Variants in ROBO1 observed in about 807,000 individuals in gnomAD.
ROBO1 encodes the protein roundabout guidance receptor 1, also known as roundabout homolog 1.
ROBO1 carries 149 observed loss-of-function variants against 195.9 expected under a neutral mutation model. The ratio of observed to expected loss-of-function variants is 0.76; its 90% CI spans 0.67 to 0.87. The LOEUF (loss-of-function observed/expected upper bound fraction) is 0.87, where lower values mean the gene tolerates loss of function less well. ROBO1 is among the 40% of genes least tolerant of loss of function. The pLI is 0.00. For missense variants in ROBO1, 1,933 were observed against 2,068.3 expected (o/e 0.93, Z 1.27); for synonymous variants, 816 against 733.2 (o/e 1.11, Z -1.82).
At chr3:79,579,846 A>T (rs754008964) in intron 2 of ROBO1, among the ~76,000 whole-genome samples, 6 of 152,154 alleles carry the variant, frequency 3.9e-5, no homozygotes, top group Non-Finnish European at 7.3e-5. Context: ...CAAAGTTACG[A>T]GGAAAACCTA....
At chr3:79,071,047 C>T (rs1576638867) in intron 3 of ROBO1, among the ~76,000 whole-genome samples, 2 of 151,844 alleles carry the variant, frequency 1.3e-5, no homozygotes, top group African/African-American at 4.8e-5. Flanking sequence ...TGCATTACCT[C>T]ACCTACTTAT....
intron 4 of ROBO1, among the ~76,000 whole-genome samples, chr3:78,764,301 A>T (rs1377587990): frequency 6.6e-6 from 1 of 152,182 alleles, no homozygotes; most frequent in Non-Finnish European, 1.5e-5. Flanking sequence ...AACTGAGTCC[A>T]GTTAGGTTAA....
intron 4 of ROBO1, among the ~76,000 whole-genome samples, chr3:78,932,592 GCTGA>G (rs143565721): frequency 0.025 from 3,765 of 152,156 alleles, 117 homozygotes; most frequent in Admixed American, 0.057. Flanking sequence ...TTATGACATA[GCTGA>G]CTATGTATTC....
At chr3:78,795,636 A>G (rs2084164156) in intron 4 of ROBO1, among the ~76,000 whole-genome samples, 1 of 152,220 alleles carries the variant, frequency 6.6e-6, no homozygotes, top group African/African-American at 2.4e-5. Flanking sequence ...TATAAAAGGG[A>G]GTTATAACAC....
At chr3:79,017,031 C>G (rs893800716) in intron 3 of ROBO1, among the ~76,000 whole-genome samples, 1 of 152,104 alleles carries the variant, frequency 6.6e-6, no homozygotes, top group African/African-American at 2.4e-5. Flanking sequence ...ATGACAACCT[C>G]GAGGAGTTAG....
intron 4 of ROBO1, among the ~76,000 whole-genome samples, chr3:78,792,842 G>A (rs2084063395): frequency 6.6e-6 from 1 of 152,122 alleles, no homozygotes; most frequent in African/African-American, 2.4e-5. Context: ...GCTCATGCCT[G>A]TAATCACAGC....
chr3:78,658,554 T>C (rs1707181659), intron 17 of ROBO1, among the ~76,000 whole-genome samples: 1 of 152,200 alleles, frequency 6.6e-6, no homozygotes, highest in Non-Finnish European at 1.5e-5. Flanking sequence ...AGTGCTGGGA[T>C]TACAGGCGTG....
Position 79,637,801 on chromosome 3 carries a change from G to A in ROBO1, c.-50-47840C>T, listed in dbSNP as rs548269826. On this transcript the variant is annotated intron_variant, in intron 1 of 30. Transcript: ENST00000464233. ...ATAGAGCTGTCTTTGAGTTATACTA[G>A]TAATTCTACATAAGAGTCAATAAAA... 2.0e-4 allele frequency among the ~76,000 whole-genome samples: 30 copies of A among 152,234 alleles called. 1 individual carries two copies. The Middle Eastern group carries it at 0.014, about 69-fold the overall frequency.
At chr3:78,954,129 G>A (rs13321050) in intron 3 of ROBO1, among the ~76,000 whole-genome samples, 21,739 of 151,552 alleles carry the variant, frequency 0.14, 2,289 homozygotes, top group African/African-American at 0.31. Flanking sequence ...AATTCCAGCA[G>A]AGCATCTTTC....
chr3:79,602,323 C>T (rs1289267628), intron 1 of ROBO1, among the ~76,000 whole-genome samples: 1 of 151,946 alleles, frequency 6.6e-6, no homozygotes, highest in African/African-American at 2.4e-5. Flanking sequence ...GATTCATACA[C>T]AAAAGGCTGT....
intron 1 of ROBO1, among the ~76,000 whole-genome samples, chr3:79,619,255 T>C (rs896286549): frequency 6.6e-6 from 1 of 152,142 alleles, no homozygotes; most frequent in Non-Finnish European, 1.5e-5. Flanking sequence ...AGCCCAGGGC[T>C]GCTCACCACC....
intron 2 of ROBO1, among the ~76,000 whole-genome samples, chr3:79,156,412 C>T (rs752616968): frequency 9.9e-5 from 15 of 151,512 alleles, no homozygotes; most frequent in Non-Finnish European, 2.1e-4. Context: ...TTCTGGTACC[C>T]CTTTCATTTT....
At chr3:79,390,810 C>T (rs983083843) in intron 2 of ROBO1, among the ~76,000 whole-genome samples, 2 of 151,932 alleles carry the variant, frequency 1.3e-5, no homozygotes, top group African/African-American at 4.8e-5. Flanking sequence ...AATTTGAGTA[C>T]ATATTTACCC....
At chr3:79,365,468 C>A (rs1341445053) in intron 2 of ROBO1, among the ~76,000 whole-genome samples, 1 of 152,228 alleles carries the variant, frequency 6.6e-6, no homozygotes, top group East Asian at 1.9e-4. Flanking sequence ...CTCCATCTCT[C>A]TGCTTTATCA....
intron 28 of ROBO1, among the ~76,000 whole-genome samples, chr3:78,613,993 G>A (rs1186380590): frequency 6.6e-6 from 1 of 152,132 alleles, no homozygotes; most frequent in Non-Finnish European, 1.5e-5. Flanking sequence ...AGCCTGTGGG[G>A]TTGTTTTATA....
chr3:78,621,617 A>C (rs552895971), intron 26 of ROBO1, among the ~76,000 whole-genome samples: 59 of 152,322 alleles, frequency 3.9e-4, no homozygotes, highest in African/African-American at 1.3e-3. Flanking sequence ...AATACATTCT[A>C]TTGGAAAACA....
chr3:78,751,034 T>C (rs1209879561), intron 4 of ROBO1, among the ~76,000 whole-genome samples: 2 of 152,230 alleles, frequency 1.3e-5, no homozygotes, highest in South Asian at 2.1e-4. Flanking sequence ...CACTTTATTA[T>C]TGCAAAAGGC....
rs576960257 is a variant in ROBO1 at position 79,197,430 on chromosome 3, G to T, written c.89-71891C>A. On this transcript the variant is annotated intron_variant, in intron 2 of 30. Coordinates refer to ENST00000464233, the MANE Select transcript of ROBO1 (RefSeq NM_002941.4). ...ATATGTGCCACATTTTCTTTATCCAGTCTATCATTAATGGACATTTTGATT... is the reference window on the plus strand; with the variant it reads ...ATATGTGCCACATTTTCTTTATCCATTCTATCATTAATGGACATTTTGATT... 7.2e-5 allele frequency among the ~76,000 whole-genome samples: 11 copies of T among 152,090 alleles called. No homozygotes were observed. In the East Asian group the frequency reaches 2.1e-3, roughly 29 times the overall value.
At chr3:79,681,890 T>C (rs964564908) in intron 1 of ROBO1, among the ~76,000 whole-genome samples, 3 of 152,040 alleles carry the variant, frequency 2.0e-5, no homozygotes, top group African/African-American at 7.2e-5. Context: ...TTTATTTATG[T>C]TTGTATGCTT....
Sources: allele counts gnomAD v4.1 joint callset (sites outside exome capture counted in the v4.1 genomes callset), GRCh38; gene constraint gnomAD v4.1.1; transcripts MANE v1.5; gene names NCBI Gene and HGNC (gene_info 2026-07-23, HGNC 2026-07-21).